Variants in DCDC2 observed in about 807,000 individuals in gnomAD.
The protein encoded by DCDC2 is doublecortin domain-containing protein 2.
Under a neutral mutation model 50.2 loss-of-function variants are expected in DCDC2, and 40 were observed. That is an observed-to-expected ratio of 0.80 (90% CI 0.62 to 1.04). The LOEUF (loss-of-function observed/expected upper bound fraction) is 1.04. Among genes scored for constraint, DCDC2 ranks in the 50% least tolerant of loss-of-function variants. The pLI, the probability that DCDC2 is intolerant of heterozygous loss-of-function variation, is 0.00. For missense variants in DCDC2, 570 were observed against 581.9 expected, an observed-to-expected ratio of 0.98 and a Z score of 0.21; for synonymous variants, 234 against 210.6, an observed-to-expected ratio of 1.11 and a Z score of -0.96.
intron 7 of DCDC2, among the ~76,000 whole-genome samples, chr6:24,235,956 A>G (rs1407371856): frequency 2.0e-5 from 3 of 152,240 alleles, no homozygotes; most frequent in Non-Finnish European, 2.9e-5. Flanking sequence ...ATCATAGATG[A>G]CACAAATGGA....
chr6:24,186,222 G>A (rs955379955), intron 8 of DCDC2, among the ~76,000 whole-genome samples: 8 of 152,142 alleles, frequency 5.3e-5, no homozygotes. Flanking sequence ...ATCTTCCATT[G>A]GAATGACAGG....
chr6:24,219,881 T>G (rs1762061043), intron 7 of DCDC2, among the ~76,000 whole-genome samples: 1 of 152,110 alleles, frequency 6.6e-6, no homozygotes, highest in Non-Finnish European at 1.5e-5. Flanking sequence ...GTACAGAGGG[T>G]GCTCACAGCC....
At chr6:24,354,448 A>G (rs948520399) in intron 1 of DCDC2, among the ~76,000 whole-genome samples, 1 of 152,132 alleles carries the variant, frequency 6.6e-6, no homozygotes. Flanking sequence ...AAAAAAGCTT[A>G]TGTTAGAATT....
In DCDC2 at chr6:24,357,492, C is replaced by A; in HGVS notation, c.259G>T (p.Val87Leu). Reference protein sequence around the residue: ...LDQIQSGGNYVAGGQEAFKKL... With the variant: ...LDQIQSGGNYLAGGQEAFKKL... ...TTGAAGGCTTCCTGGCCTCCAGCCACGTAATTGCCCCCGCTCTGGATCTGG... is the reference window on the plus strand; with the variant it reads ...TTGAAGGCTTCCTGGCCTCCAGCCAAGTAATTGCCCCCGCTCTGGATCTGG... The change falls in exon 1 of 10, where the codon GTG becomes TTG. Residue 87 changes from valine (V) to leucine (L), a missense_variant. Val to Leu is a conservative substitution (Grantham distance 32). Transcript: ENST00000378454. 6.2e-7 allele frequency: 1 copy of A among 1,610,116 alleles called. No homozygotes were observed. Among genetic ancestry groups the A allele is most frequent in the Non-Finnish European group, 8.5e-7 (1 of 1,177,718 alleles).
intron 2 of DCDC2, among the ~76,000 whole-genome samples, chr6:24,343,831 T>G (rs1327709058): frequency 6.6e-6 from 1 of 152,178 alleles, no homozygotes; most frequent in Non-Finnish European, 1.5e-5. Flanking sequence ...AACTAAGTGG[T>G]ATTTTATTTA....
intron 2 of DCDC2, among the ~76,000 whole-genome samples, chr6:24,334,855 TG>T (rs1760027709): frequency 6.6e-6 from 1 of 152,174 alleles, no homozygotes; most frequent in African/African-American, 2.4e-5. Context: ...ACGGGCTTTC[TG>T]GTTTCAGTGA....
At chr6:24,265,852 AAAGC>A (rs896615439) in intron 7 of DCDC2, among the ~76,000 whole-genome samples, 49 of 152,216 alleles carry the variant, frequency 3.2e-4, no homozygotes, top group African/African-American at 1.2e-3. Context: ...CTTAACTAGA[AAAGC>A]AAGAGCAAAC....
intron 7 of DCDC2, among the ~76,000 whole-genome samples, chr6:24,270,457 T>C (rs1312611859): frequency 6.6e-6 from 1 of 152,174 alleles, no homozygotes; most frequent in African/African-American, 2.4e-5. Context: ...ATAGGTATAA[T>C]TGACCTACAT....
chr6:24,208,256 T>C (rs1479158241), intron 7 of DCDC2, among the ~76,000 whole-genome samples: 1 of 151,944 alleles, frequency 6.6e-6, no homozygotes, highest in East Asian at 1.9e-4. Context: ...GCAGACTTAC[T>C]CATGGCTCAA....
At chr6:24,321,710 CG>C (rs1340021526) in intron 2 of DCDC2, among the ~76,000 whole-genome samples, 22 of 152,130 alleles carry the variant, frequency 1.4e-4, no homozygotes, top group African/African-American at 5.1e-4. Flanking sequence ...AAAGCAAAAG[CG>C]ATATCACTGG....
chr6:24,368,130 A>T, the DCDC2 span, among the ~76,000 whole-genome samples: 7 of 151,344 alleles, frequency 4.6e-5, no homozygotes, highest in East Asian at 1.4e-3. Flanking sequence ...GACTTCAGTT[A>T]AAAAAAAAGA....
chr6:24,276,157 C>T (rs902377043), intron 7 of DCDC2, among the ~76,000 whole-genome samples: 4 of 152,094 alleles, frequency 2.6e-5, no homozygotes, highest in African/African-American at 9.7e-5. Context: ...GCGTGAGCCA[C>T]TGTACCAGCC....
intron 9 of DCDC2, among the ~76,000 whole-genome samples, chr6:24,175,834 T>C (rs2113736136): frequency 6.6e-6 from 1 of 152,328 alleles, no homozygotes; most frequent in East Asian, 1.9e-4. Context: ...AACTATTCAT[T>C]TTTAACTTAC....
At chr6:24,294,079 T>C (rs1224288022) in intron 4 of DCDC2, among the ~76,000 whole-genome samples, 2 of 152,126 alleles carry the variant, frequency 1.3e-5, no homozygotes, top group African/African-American at 4.8e-5. Flanking sequence ...AAAAGTTGCC[T>C]GGGCATGGTG....
chr6:24,219,229 A>T (rs1762045531), intron 7 of DCDC2, among the ~76,000 whole-genome samples: 3 of 152,214 alleles, frequency 2.0e-5, no homozygotes. Flanking sequence ...ACATTTTTTT[A>T]TTCAACATTT....
rs79874762 is a variant in DCDC2 at position 24,299,307 on chromosome 6, A to T, written c.557+2408T>A. On this transcript the variant is annotated intron_variant, in intron 4 of 9. Transcript: ENST00000378454. ...AATATTGGGTACAGATGGACATAAA[A>T]ATAGGAACAGTAGATACTGTTGACT... Among the ~76,000 whole-genome samples, 596 of 152,266 alleles carry T rather than the reference A, an allele frequency of 3.9e-3. 3 individuals carry two copies. Among genetic ancestry groups the T allele is most frequent in the Non-Finnish European group, 7.1e-3 (484 of 68,012 alleles).
the DCDC2 span, among the ~76,000 whole-genome samples, chr6:24,382,296 T>C: frequency 6.6e-6 from 1 of 152,170 alleles, no homozygotes; most frequent in Non-Finnish European, 1.5e-5. Context: ...TGCTAGTTAC[T>C]GCATCAAACT....
rs1362510511 is a variant in DCDC2, at chr6:24,326,088, AAAGG to A, written c.349-24048_349-24045del. On this transcript the variant is annotated intron_variant, in intron 2 of 9. Coordinates refer to ENST00000378454, the MANE Select transcript of DCDC2 (RefSeq NM_016356.5). Reference sequence around the variant, plus strand: ...AAGTTCCAAAACCAAAGAAAGAAAGAAAGGAAGAGAGGAAAAAAGAGAGAAAGAC... The same window carrying A: ...AAGTTCCAAAACCAAAGAAAGAAAGAAAGAGAGGAAAAAAGAGAGAAAGAC... 1.3e-5 allele frequency among the ~76,000 whole-genome samples: 2 copies of A among 148,520 alleles called. 1 individual carries two copies. Among genetic ancestry groups the A allele is most frequent in the Non-Finnish European group, 3.0e-5 (2 of 66,936 alleles).
intron 4 of DCDC2, among the ~76,000 whole-genome samples, chr6:24,296,986 C>A (rs1346861054): frequency 6.6e-6 from 1 of 152,182 alleles, no homozygotes; most frequent in Admixed American, 6.5e-5. Flanking sequence ...GAATATAAAT[C>A]ATTCTACCAT....
Sources: allele counts gnomAD v4.1 joint callset (sites outside exome capture counted in the v4.1 genomes callset), GRCh38; gene constraint gnomAD v4.1.1; transcripts MANE v1.5; gene names NCBI Gene and HGNC (gene_info 2026-07-23, HGNC 2026-07-21).